Variants in NID1 observed in about 807,000 individuals in gnomAD.
The protein encoded by NID1 is nidogen 1.
Under a neutral mutation model 130.6 loss-of-function variants are expected in NID1, and 76 were observed. That is an observed-to-expected ratio of 0.58 (90% CI 0.48 to 0.70). The LOEUF is 0.70. NID1 is among the 30% of genes least tolerant of loss of function. The probability of loss-of-function intolerance (pLI) is 0.00; values close to 1 mark genes in which losing one functional copy is unlikely to be tolerated. For missense variants in NID1, 1,517 were observed against 1,664.8 expected (o/e 0.91, Z 1.54); for synonymous variants, 665 against 675.1 (o/e 0.98, Z 0.23).
chr1:236,059,903 C>T (rs959609726), intron 1 of NID1, among the ~76,000 whole-genome samples: 8 of 152,052 alleles, frequency 5.3e-5, no homozygotes, highest in Non-Finnish European at 8.8e-5. Flanking sequence ...AGATCGAGAC[C>T]ATCCTGGCCA....
intron 12 of NID1, among the ~76,000 whole-genome samples, chr1:235,994,676 T>C (rs1657870377): frequency 6.6e-6 from 1 of 151,658 alleles, no homozygotes; most frequent in Non-Finnish European, 1.5e-5. Context: ...GTGTCATTTT[T>C]ATCATCTCAA....
At position 236,013,466 on chromosome 1, in the gene NID1, G is replaced by C. The variant is rs752852027; in HGVS notation, c.2349C>G (p.Ser783=). 4 of 1,614,150 alleles carry C rather than the reference G, an allele frequency of 2.5e-6. No homozygotes were observed. In the East Asian group the frequency reaches 8.9e-5, roughly 36 times the overall value. ...QRAQCIYTGG[S]SYTCSCLPGF... ...CTGGCAAGCAGGAACAGGTGTAGGA[G>C]GAGCCTCCTGTGTAGATACACTGGG... The change falls in exon 11 of 20, where the codon TCC becomes TCG. Residue 783 remains serine, a synonymous_variant. Transcript: ENST00000264187.
At chr1:235,991,725 G>A (rs1657747182) in intron 13 of NID1, among the ~76,000 whole-genome samples, 1 of 152,160 alleles carries the variant, frequency 6.6e-6, no homozygotes, top group Non-Finnish European at 1.5e-5. Context: ...AGCACCAGCA[G>A]CACCAGCGGT....
At chr1:236,020,057 AACAAAAAC>A (rs1558435440) in intron 9 of NID1, among the ~76,000 whole-genome samples, 13 of 134,290 alleles carry the variant, frequency 9.7e-5, no homozygotes, top group Non-Finnish European at 9.4e-5. Context: ...AAAAAAAAAA[AACAAAAAC>A]AAACTTCTTT....
intron 9 of NID1, among the ~76,000 whole-genome samples, chr1:236,022,723 A>G (rs1322809578): frequency 6.6e-6 from 1 of 151,670 alleles, no homozygotes; most frequent in Non-Finnish European, 1.5e-5. Flanking sequence ...GGAACATAAA[A>G]TGTTGCAGCC....
Position 235,979,890 on chromosome 1 carries a change from G to C in NID1, c.3441C>G (p.Leu1147=). 1 of 1,614,114 alleles carries C rather than the reference G, an allele frequency of 6.2e-7. No homozygotes were observed. The highest frequency in any genetic ancestry group is 8.5e-7 in the Non-Finnish European group (1 of 1,179,974). The change falls in exon 18 of 20, where the codon CTC becomes CTG. Residue 1147 remains leucine, a synonymous_variant. Transcript: ENST00000264187. The surrounding 1 kb of genome is among the most constrained non-coding windows in gnomAD (Gnocchi z 4.6). ...CAGCAAAAGGATACTGGAGCCCTTC[G>C]AGAGCCTTGCGTCTGCTGGGCTGAC... The part of the protein sequence containing the change: ...NPSQPSRRKA[L]EGLQYPFAVT...
intron 9 of NID1, among the ~76,000 whole-genome samples, chr1:236,023,630 C>T (rs948772586): frequency 2.4e-5 from 3 of 122,892 alleles, no homozygotes; most frequent in East Asian, 2.6e-4. Context: ...TATATTTTAC[C>T]GCAAACAATT....
At chr1:236,002,944 T>C (rs952592611) in intron 12 of NID1, among the ~76,000 whole-genome samples, 1 of 152,086 alleles carries the variant, frequency 6.6e-6, no homozygotes, top group African/African-American at 2.4e-5. Context: ...CCTCCCTGTC[T>C]CCTATTCAAA....
chr1:236,016,808 G>C (rs1543561), intron 10 of NID1, among the ~76,000 whole-genome samples: 41,834 of 151,748 alleles, frequency 0.28, 7,947 homozygotes, highest in East Asian at 0.69. Context: ...GAACCCCAAG[G>C]CTACTAATTA....
intron 1 of NID1, among the ~76,000 whole-genome samples, chr1:236,050,090 T>C (rs1252033874): frequency 6.6e-6 from 1 of 150,856 alleles, no homozygotes; most frequent in African/African-American, 2.4e-5. Flanking sequence ...ATTTTTCTGA[T>C]GGGGAAAATT....
At chr1:236,021,517 C>A (rs1658764344) in intron 9 of NID1, among the ~76,000 whole-genome samples, 1 of 152,186 alleles carries the variant, frequency 6.6e-6, no homozygotes, top group East Asian at 1.9e-4. Flanking sequence ...ATCTTCTAAC[C>A]TTCATGTTAC....
intron 12 of NID1, among the ~76,000 whole-genome samples, chr1:236,007,135 T>C (rs1658271542): frequency 6.6e-6 from 1 of 152,216 alleles, no homozygotes; most frequent in Admixed American, 6.5e-5. Flanking sequence ...GTGATGCTCT[T>C]GCCTCGGCCT....
rs758330404 is a variant in NID1 at position 236,017,175 on chromosome 1, G to C, written c.2227C>G (p.Gln743Glu). The C allele has an allele frequency of 1.4e-5, 22 of 1,614,130 alleles. No homozygotes were observed. In the East Asian group the frequency reaches 4.0e-4, roughly 29 times the overall value. The change falls in exon 10 of 20, where the codon CAG becomes GAG. Residue 743 changes from glutamine to glutamate, a missense_variant. This residue lies in a region of NID1 where 1,329 missense variants were observed against 1,429.2 expected (regional missense o/e 0.93). Coordinates refer to ENST00000264187, the MANE Select transcript of NID1 (RefSeq NM_002508.3). The part of the protein sequence containing the change: ...TFRCECVEGY[Q>E]FSDEGTCVAV... Reference sequence around the variant, plus strand: ...ACACACGTTCCCTCATCTGAAAACTGGTAGCCCTCCACACACTCGCAGCGG... The same window carrying C: ...ACACACGTTCCCTCATCTGAAAACTCGTAGCCCTCCACACACTCGCAGCGG...
chr1:236,064,464 G>A, intron 1 of NID1: 1 of 211,240 alleles, frequency 4.7e-6, no homozygotes, highest in Non-Finnish European at 9.4e-6. Context: ...CCCTGCGGAG[G>A]CTCCGCGCGA....
intron 12 of NID1, among the ~76,000 whole-genome samples, chr1:235,996,728 C>A (rs1288415703): frequency 6.6e-6 from 1 of 152,160 alleles, no homozygotes; most frequent in African/African-American, 2.4e-5. Flanking sequence ...CAGGTGTGAG[C>A]CACCAAGCCT....
intron 5 of NID1, among the ~76,000 whole-genome samples, chr1:236,037,695 A>G (rs1219865858): frequency 6.6e-6 from 1 of 152,156 alleles, no homozygotes; most frequent in Non-Finnish European, 1.5e-5. Context: ...GCAACACAAC[A>G]TAAAATTAGA....
chr1:236,001,184 C>A (rs140793633), intron 12 of NID1, among the ~76,000 whole-genome samples: 35 of 151,608 alleles, frequency 2.3e-4, no homozygotes, highest in African/African-American at 7.7e-4. Flanking sequence ...CAGCTTACCG[C>A]AACCTCTGCC....
intron 1 of NID1, among the ~76,000 whole-genome samples, chr1:236,056,644 C>G (rs1483923767): frequency 6.6e-6 from 1 of 152,208 alleles, no homozygotes; most frequent in African/African-American, 2.4e-5. Flanking sequence ...ATACCCTACC[C>G]TTCCCAGCCT....
chr1:235,996,875 C>T lies in NID1; in HGVS notation c.2528-3003G>A, dbSNP rs182562260. Among the ~76,000 whole-genome samples the T allele has an allele frequency of 1.6e-4, 25 of 152,108 alleles. No individual in the cohort carries two copies. The East Asian group carries it at 4.6e-3, about 28-fold the overall frequency. Reference sequence around the variant, plus strand: ...CTGAGATGGAGTTTTGCTCTTGTTGCCTGGGCTGGAGTGCAGTGGCGCGAT... The same window carrying T: ...CTGAGATGGAGTTTTGCTCTTGTTGTCTGGGCTGGAGTGCAGTGGCGCGAT... On this transcript the variant is annotated intron_variant, in intron 12 of 19. Transcript: ENST00000264187.
Sources: allele counts gnomAD v4.1 joint callset (sites outside exome capture counted in the v4.1 genomes callset), GRCh38; gene constraint gnomAD v4.1.1; regional missense constraint gnomAD v4.1.1; non-coding constraint Gnocchi (gnomAD v3.1); transcripts MANE v1.5; gene names NCBI Gene and HGNC (gene_info 2026-07-23, HGNC 2026-07-21).